Variants in NELL1 observed in about 807,000 individuals in gnomAD.
NELL1 encodes neural EGFL like 1.
A neutral mutation model predicts 107.4 loss-of-function variants in NELL1; 76 were observed. The ratio of observed to expected loss-of-function variants is 0.71; its 90% CI spans 0.59 to 0.86. The LOEUF is 0.86. Among genes scored for constraint, NELL1 ranks in the 40% least tolerant of loss-of-function variants. NELL1 has a pLI of 0.00. For missense variants in NELL1, 1,024 were observed against 1,005.5 expected, an observed-to-expected ratio of 1.02 and a Z score of -0.25; for synonymous variants, 353 against 341.2, an observed-to-expected ratio of 1.03 and a Z score of -0.38.
intron 13 of NELL1, among the ~76,000 whole-genome samples, chr11:21,131,722 T>C (rs1855623011): frequency 1.3e-5 from 2 of 152,190 alleles, no homozygotes; most frequent in African/African-American, 4.8e-5. Context: ...ATTGTAAGGG[T>C]CCCTTTTAGT....
At chr11:21,178,516 C>T (rs1856758003) in intron 13 of NELL1, among the ~76,000 whole-genome samples, 1 of 151,638 alleles carries the variant, frequency 6.6e-6, no homozygotes, top group African/African-American at 2.4e-5. Context: ...CCTGTAATCT[C>T]AGCGCTTTGG....
chr11:21,084,020 C>T (rs186830260), intron 12 of NELL1, among the ~76,000 whole-genome samples: 7 of 152,258 alleles, frequency 4.6e-5, no homozygotes, highest in Non-Finnish European at 7.4e-5. Context: ...CTGCACTTGG[C>T]ACTACCCCAG....
chr11:21,554,394 A>G (rs1224389210), intron 16 of NELL1, among the ~76,000 whole-genome samples: 1 of 151,884 alleles, frequency 6.6e-6, no homozygotes, highest in Non-Finnish European at 1.5e-5. Flanking sequence ...ATTTCTGGGT[A>G]TGGCTAGCCA....
At position 20,718,808 on chromosome 11, in the gene NELL1, A is replaced by G. The variant is rs1034785029; in HGVS notation, c.184+40748A>G. Among the ~76,000 whole-genome samples, 5 of 152,182 alleles carry G rather than the reference A, an allele frequency of 3.3e-5. No homozygotes were observed. The East Asian group carries it at 7.7e-4, about 23-fold the overall frequency. The stretch of plus-strand genomic sequence containing the variant: ...GCCAAATGTTGATGAGGCAGAAGGA[A>G]TATCGGCTTGGATCTTTCAAAGAGG... On this transcript the variant is annotated intron_variant, in intron 2 of 19. Transcript: ENST00000357134.
chr11:20,786,660 A>G (rs1441906740), intron 3 of NELL1, among the ~76,000 whole-genome samples: 5 of 152,014 alleles, frequency 3.3e-5, no homozygotes, highest in Admixed American at 6.6e-5. Context: ...TCTGAGGGGC[A>G]TAAGGCAGAA....
intron 2 of NELL1, among the ~76,000 whole-genome samples, chr11:20,761,247 A>AC (rs1244458433): frequency 2.0e-5 from 3 of 152,112 alleles, no homozygotes; most frequent in Non-Finnish European, 4.4e-5. Context: ...GACTAAACTC[A>AC]CCCCCTCAGG....
chr11:20,691,908 G>T (rs372360822), intron 2 of NELL1, among the ~76,000 whole-genome samples: 42 of 152,068 alleles, frequency 2.8e-4, no homozygotes, highest in Admixed American at 4.6e-4. Flanking sequence ...TGAATCCATC[G>T]GGTCCTGGAC....
At chr11:21,298,013 A>G (rs772981653) in intron 14 of NELL1, among the ~76,000 whole-genome samples, 3 of 151,938 alleles carry the variant, frequency 2.0e-5, no homozygotes, top group Non-Finnish European at 2.9e-5. Flanking sequence ...TTTTTCCTCC[A>G]TCATTTTTTA....
At chr11:20,846,312 G>A (rs1422994787) in intron 3 of NELL1, among the ~76,000 whole-genome samples, 1 of 152,064 alleles carries the variant, frequency 6.6e-6, no homozygotes, top group African/African-American at 2.4e-5. Context: ...CATGACTTTT[G>A]GGATTCAGGC....
intron 15 of NELL1, among the ~76,000 whole-genome samples, chr11:21,505,339 T>TTGTC (rs1341674025): frequency 6.6e-6 from 1 of 152,158 alleles, no homozygotes; most frequent in Non-Finnish European, 1.5e-5. Flanking sequence ...ACATGGACTC[T>TTGTC]TGTCTCCAGA....
intron 12 of NELL1, among the ~76,000 whole-genome samples, chr11:21,028,021 A>G (rs1852860306): frequency 6.6e-6 from 1 of 152,184 alleles, no homozygotes; most frequent in African/African-American, 2.4e-5. Context: ...TGCAGCAAGA[A>G]TATGTCCCCA....
intron 2 of NELL1, among the ~76,000 whole-genome samples, chr11:20,702,008 A>G (rs1854804325): frequency 6.6e-6 from 1 of 152,082 alleles, no homozygotes; most frequent in Non-Finnish European, 1.5e-5. Flanking sequence ...TTTTGATTCC[A>G]TATGAACTTT....
At chr11:20,830,505 T>G (rs1857986606) in intron 3 of NELL1, among the ~76,000 whole-genome samples, 1 of 151,782 alleles carries the variant, frequency 6.6e-6, no homozygotes, top group African/African-American at 2.4e-5. Flanking sequence ...CCTGGCTAAT[T>G]TTTTGTATTT....
intron 11 of NELL1, among the ~76,000 whole-genome samples, chr11:20,959,725 T>G (rs758647149): frequency 1.3e-5 from 2 of 152,172 alleles, no homozygotes; most frequent in Non-Finnish European, 2.9e-5. Flanking sequence ...AGTATACTAC[T>G]TGGGTGATAT....
chr11:21,466,765 G>T (rs1854042736), intron 15 of NELL1, among the ~76,000 whole-genome samples: 2 of 151,878 alleles, frequency 1.3e-5, no homozygotes, highest in African/African-American at 4.8e-5. Flanking sequence ...GAGAAGTTTT[G>T]GAAAGCTATG....
At chr11:20,741,018 C>G (rs760955725) in intron 2 of NELL1, among the ~76,000 whole-genome samples, 1 of 152,080 alleles carries the variant, frequency 6.6e-6, no homozygotes, top group Non-Finnish European at 1.5e-5. Flanking sequence ...TTTTTCAGTT[C>G]CTTCTCTGAA....
Position 20,758,423 on chromosome 11 carries a change from G to A in NELL1, c.185-25257G>A, listed in dbSNP as rs139767737. Among the ~76,000 whole-genome samples, 93 of 152,136 alleles carry A rather than the reference G, an allele frequency of 6.1e-4. 1 individual carries two copies. Among genetic ancestry groups the A allele is most frequent in the African/African-American group, 2.1e-3 (86 of 41,486 alleles). The stretch of plus-strand genomic sequence containing the variant: ...CTTTTCTCATCTTCCACTACATCAC[G>A]CTCCTGATTCTAAGTTCTTCCTATC... On this transcript the variant is annotated intron_variant, in intron 2 of 19. Coordinates refer to ENST00000357134, the MANE Select transcript of NELL1 (RefSeq NM_006157.5).
At chr11:20,954,829 A>C (rs764503104) in intron 11 of NELL1, among the ~76,000 whole-genome samples, 9 of 152,224 alleles carry the variant, frequency 5.9e-5, no homozygotes, top group Non-Finnish European at 1.2e-4. Flanking sequence ...TCCGGGCATC[A>C]TGATTTGACA....
At chr11:21,238,054 C>A (rs542194888) in intron 14 of NELL1, among the ~76,000 whole-genome samples, 1 of 152,174 alleles carries the variant, frequency 6.6e-6, no homozygotes, top group South Asian at 2.1e-4. Flanking sequence ...TATCTCAAAC[C>A]TAGCACAACC....
Sources: gnomAD v4.1 joint callset for allele counts (sites outside exome capture counted in the v4.1 genomes callset) on GRCh38, gnomAD v4.1.1 for gene constraint, MANE v1.5 for transcripts, NCBI Gene and HGNC (gene_info 2026-07-23, HGNC 2026-07-21) for gene names.